Variants in C10orf95 observed in about 807,000 individuals in gnomAD.
The protein encoded by C10orf95 is chromosome 10 open reading frame 95.
For synonymous variants in C10orf95, 188 were observed against 160.4 expected (o/e 1.17, Z -1.30); for missense variants, 412 against 327.4 (o/e 1.26, Z -1.99).
chr10:102,450,380 T>A lies in C10orf95; in HGVS notation c.*72A>T. The A allele has an allele frequency of 2.7e-6, 4 of 1,470,284 alleles. No homozygotes were observed. Among genetic ancestry groups the A allele is most frequent in the Non-Finnish European group, 2.8e-6 (3 of 1,090,688 alleles). 91.1% of individuals were successfully genotyped at this position (1,470,284 alleles called of 1,614,324 possible). A position where few individuals can be genotyped will look rare whatever the true frequency, so the allele number is the denominator to read the frequency against. The stretch of plus-strand genomic sequence containing the variant: ...GCACAGGTGAGGGCTCACTTCTGCC[T>A]GTCGGCGGCGGCACACACAGGAAAG... On this transcript the variant is annotated 3_prime_UTR_variant, in exon 2 of 2. Transcript: ENST00000625129.
Position 102,450,815 on chromosome 10 carries a change from G to A in C10orf95, c.279C>T (p.Gly93=). 4.8e-6 allele frequency: 6 copies of A among 1,249,556 alleles called. No homozygotes were observed. Among genetic ancestry groups the A allele is most frequent in the Non-Finnish European group, 6.0e-6 (6 of 1,000,606 alleles). The allele number at this position is 1,249,556 out of a possible 1,614,324, so 77.4% of individuals were successfully genotyped here. The part of the protein sequence containing the change: ...TTLRRPCAAA[G]ISGLSLQAPA... ...GCGCCTGCAGCGACAGTCCCGAGAT[G>A]CCGGCGGCGGCGCAGGGCCGGCGCA... Residue 93 remains glycine, a synonymous_variant, in exon 2 of 2, where the codon GGC becomes GGT. Coordinates refer to ENST00000625129, the MANE Select transcript of C10orf95 (RefSeq NM_001363580.1).
rs1739348942 is a variant in C10orf95 at position 102,450,003 on chromosome 10, G to C, written c.*449C>G. 4.0e-6 allele frequency: 1 copy of C among 252,098 alleles called. No individual in the cohort carries two copies. Among genetic ancestry groups the C allele is most frequent in the Admixed American group, 4.4e-5 (1 of 22,624 alleles). The allele number at this position is 252,098 out of a possible 1,614,324, so 15.6% of individuals were successfully genotyped here. On this transcript the variant is annotated 3_prime_UTR_variant, in exon 2 of 2. Transcript: ENST00000625129. The stretch of plus-strand genomic sequence containing the variant: ...TAAGCTGGGGATCACCGTCGCCCTC[G>C]GCTTGGCAGGAAGGCGGGGGTAGGG...
chr10:102,450,956 G>C lies in C10orf95; in HGVS notation c.138C>G (p.Ser46Arg). ...GGGCCGCCCACTCGCCCGCATGCAG[G>C]CTCCCGGGCCGGCTGCGGAAGCTGT... ...QAHSFRSRPG[S>R]LHAGEWAAPR... is the part of the protein sequence containing the mutation. The change falls in exon 2 of 2, where the codon AGC becomes AGG. Residue 46 changes from serine to arginine, a missense_variant. Transcript: ENST00000625129. 7.8e-7 allele frequency: 1 copy of C among 1,278,912 alleles called. No individual in the cohort carries two copies. Among genetic ancestry groups the C allele is most frequent in the Non-Finnish European group, 9.9e-7 (1 of 1,012,610 alleles). The allele number at this position is 1,278,912 out of a possible 1,614,324, so 79.2% of individuals were successfully genotyped here. A position where few individuals can be genotyped will look rare whatever the true frequency, so the allele number is the denominator to read the frequency against.
Position 102,450,698 on chromosome 10 carries a change from G to GC in C10orf95, c.395dup (p.Leu135SerfsTer108), listed in dbSNP as rs1384655901. 1 of 1,253,212 alleles carries GC rather than the reference G, an allele frequency of 8.0e-7. No homozygotes were observed. The highest frequency in any genetic ancestry group is 1.6e-5 in the African/African-American group (1 of 63,406). 77.6% of individuals were successfully genotyped at this position (1,253,212 alleles called of 1,614,324 possible). ...CGAAGTCCGGTAGCTGCAGAGGGGG[G>GC]CCCCGCGCGCGCTCCACGCGGCCCC... On this transcript the variant is annotated frameshift_variant, in exon 2 of 2. Coordinates refer to ENST00000625129, the MANE Select transcript of C10orf95 (RefSeq NM_001363580.1). LOFTEE classifies it low-confidence loss of function (END_TRUNC).
Position 102,450,543 on chromosome 10 carries a change from C to T in C10orf95, c.551G>A (p.Arg184His). 4 of 1,361,828 alleles carry T rather than the reference C, an allele frequency of 2.9e-6. No individual in the cohort carries two copies. Among genetic ancestry groups the T allele is most frequent in the South Asian group, 1.7e-5 (1 of 57,540 alleles). 84.4% of individuals were successfully genotyped at this position (1,361,828 alleles called of 1,614,324 possible). A position where few individuals can be genotyped will look rare whatever the true frequency, so the allele number is the denominator to read the frequency against. ...VLEPDHRVEW[R>H]VRRRPDSGDS... ...GCCGCTGTCGGGCCGGCGCCGCACGCGCCACTCCACGCGGTGGTCGGGCTC... is the reference window on the plus strand; with the variant it reads ...GCCGCTGTCGGGCCGGCGCCGCACGTGCCACTCCACGCGGTGGTCGGGCTC... Residue 184 changes from arginine (R) to histidine (H), a missense_variant, in exon 2 of 2, where the codon CGC (arginine) becomes CAC (histidine). Transcript: ENST00000625129.
rs768355056 is a variant in C10orf95 at position 102,451,451 on chromosome 10, T to C, written c.-120A>G. ...GGGGCTCCTCTCCGCACTTTGTAGCTGCGTTGCTCCGCTCCATGCCCTGCC... is the reference window on the plus strand; with the variant it reads ...GGGGCTCCTCTCCGCACTTTGTAGCCGCGTTGCTCCGCTCCATGCCCTGCC... On this transcript the variant is annotated 5_prime_UTR_variant, in exon 1 of 2. Transcript: ENST00000625129. 3.5e-6 allele frequency: 5 copies of C among 1,433,354 alleles called. No individual in the cohort carries two copies. Among genetic ancestry groups the C allele is most frequent in the Non-Finnish European group, 4.7e-6 (5 of 1,068,488 alleles). The allele number at this position is 1,433,354 out of a possible 1,614,324, so 88.8% of individuals were successfully genotyped here. A position where few individuals can be genotyped will look rare whatever the true frequency, so the allele number is the denominator to read the frequency against.
chr10:102,451,309 C>T, intron 1 of C10orf95, 77 bp downstream of exon 1: 2 of 1,495,474 alleles, frequency 1.3e-6, no homozygotes, highest in South Asian at 1.3e-5. Flanking sequence ...CGGGCAGAGC[C>T]TCAGGCTCCC....
chr10:102,451,367 C>T lies in C10orf95; in HGVS notation c.-55+19G>A, dbSNP rs1246477058. ...CAAGCCCTCCGCCGGGATGCTCTTC[C>T]CAGTGACTCCCCACTCACTTGTCTC... On this transcript the variant is annotated intron_variant, in intron 1 of 1. Transcript: ENST00000625129. 3 of 1,558,746 alleles carry T rather than the reference C, an allele frequency of 1.9e-6. No homozygotes were observed. Among genetic ancestry groups the T allele is most frequent in the Non-Finnish European group, 2.6e-6 (3 of 1,148,182 alleles).
At chr10:102,451,296 G>C (rs1345985245) in intron 1 of C10orf95, 90 bp downstream of exon 1, 30 of 1,465,516 alleles carry the variant, frequency 2.0e-5, no homozygotes, top group Non-Finnish European at 2.5e-5. Flanking sequence ...CTTGTCCCAA[G>C]GTCGGGCAGA....
At chr10:102,451,275 C>T in intron 1 of C10orf95, 111 bp downstream of exon 1, 3 of 1,428,140 alleles carry the variant, frequency 2.1e-6, no homozygotes, top group Non-Finnish European at 1.8e-6. Context: ...ATTCAGCTCC[C>T]CGCCTAGCCT....
At position 102,450,806 on chromosome 10, in the gene C10orf95, T is replaced by C; in HGVS notation, c.288A>G (p.Gly96=). 8.0e-7 allele frequency: 1 copy of C among 1,255,336 alleles called. No homozygotes were observed. The highest frequency in any genetic ancestry group is 9.9e-7 in the Non-Finnish European group (1 of 1,005,442). 77.8% of individuals were successfully genotyped at this position (1,255,336 alleles called of 1,614,324 possible). A position where few individuals can be genotyped will look rare whatever the true frequency, so the allele number is the denominator to read the frequency against. The change falls in exon 2 of 2, where the codon GGA becomes GGG. Residue 96 remains glycine, a synonymous_variant. Transcript: ENST00000625129. ...RRPCAAAGIS[G]LSLQAPAAVA... is the part of the protein sequence containing the mutation. The stretch of plus-strand genomic sequence containing the variant: ...CCGCCGCGGGCGCCTGCAGCGACAG[T>C]CCCGAGATGCCGGCGGCGGCGCAGG...
In C10orf95 at chr10:102,450,343, T is replaced by C; in HGVS notation, c.*109A>G. ...GCCAAAAAGACAGGTGAGCAGCGCG[T>C]CCGCCTCCCGCGCACAGGTGAGGGC... is the stretch of plus-strand genomic sequence containing the variant. On this transcript the variant is annotated 3_prime_UTR_variant, in exon 2 of 2. Coordinates refer to ENST00000625129, the MANE Select transcript of C10orf95 (RefSeq NM_001363580.1). 8.3e-7 allele frequency: 1 copy of C among 1,207,836 alleles called. No individual in the cohort carries two copies. The highest frequency in any genetic ancestry group is 1.5e-5 in the African/African-American group (1 of 66,218). 74.8% of individuals were successfully genotyped at this position (1,207,836 alleles called of 1,614,324 possible).
intron 1 of C10orf95, 94 bp downstream of exon 1, chr10:102,451,292 C>T (rs1412538953): frequency 3.4e-6 from 5 of 1,461,624 alleles, no homozygotes; most frequent in African/African-American, 1.4e-5. Context: ...GCCTCTTGTC[C>T]CAAGGTCGGG....
In C10orf95 at chr10:102,450,643, T is replaced by C; in HGVS notation, c.451A>G (p.Thr151Ala). 1.6e-6 allele frequency: 2 copies of C among 1,231,522 alleles called. No individual in the cohort carries two copies. The allele number at this position is 1,231,522 out of a possible 1,614,324, so 76.3% of individuals were successfully genotyped here. A position where few individuals can be genotyped will look rare whatever the true frequency, so the allele number is the denominator to read the frequency against. Residue 151 changes from threonine (T) to alanine (A), a missense_variant, in exon 2 of 2, where the codon ACC becomes GCC. Transcript: ENST00000625129. ...ACGCGCACGTCGGCGCGGGGGTAGG[T>C]GCCGTACGCGCGCCGCAGCTCCCGG... is the stretch of plus-strand genomic sequence containing the variant. ...VRRELRRAYG[T>A]YPRADVRVTQ...
chr10:102,451,393 C>T lies in C10orf95; in HGVS notation c.-62G>A, dbSNP rs755304206. Reference sequence around the variant, plus strand: ...CAGTGACTCCCCACTCACTTGTCTCCTTCAGCCTTGGGGAGCCGGCGGGAT... The same window carrying T: ...CAGTGACTCCCCACTCACTTGTCTCTTTCAGCCTTGGGGAGCCGGCGGGAT... On this transcript the variant is annotated 5_prime_UTR_variant, in exon 1 of 2. Transcript: ENST00000625129. The T allele has an allele frequency of 3.7e-5, 57 of 1,538,702 alleles. 1 individual carries two copies. In the South Asian group the frequency reaches 5.1e-4, roughly 14 times the overall value.
At position 102,450,714 on chromosome 10, in the gene C10orf95, A is replaced by G; in HGVS notation, c.380T>C (p.Val127Ala). ...SLQTELRWGR[V>A]ERARGPPLQL... ...CAGAGGGGGGCCCCGCGCGCGCTCC[A>G]CGCGGCCCCAGCGCAGCTCGGTTTG... The change falls in exon 2 of 2, where the codon GTG (valine) becomes GCG (alanine). Residue 127 changes from valine to alanine, a missense_variant. By Grantham distance (64) the Val-to-Ala change is moderately conservative. Transcript: ENST00000625129. 2 of 1,271,848 alleles carry G rather than the reference A, an allele frequency of 1.6e-6. No homozygotes were observed. The highest frequency in any genetic ancestry group is 9.9e-7 in the Non-Finnish European group (1 of 1,007,236). 78.8% of individuals were successfully genotyped at this position (1,271,848 alleles called of 1,614,324 possible).
At position 102,450,616 on chromosome 10, in the gene C10orf95, T is replaced by C; in HGVS notation, c.478A>G (p.Thr160Ala). The C allele has an allele frequency of 1.8e-5, 22 of 1,242,354 alleles. No homozygotes were observed. Among genetic ancestry groups the C allele is most frequent in the Non-Finnish European group, 2.2e-5 (22 of 995,660 alleles). The allele number at this position is 1,242,354 out of a possible 1,614,324, so 77.0% of individuals were successfully genotyped here. ...AGCAGGAACTGGCCGCGGCGCTGGG[T>C]GACGCGCACGTCGGCGCGGGGGTAG... ...GTYPRADVRVTQRRGQFLLQA... is the reference protein window; with the variant it reads ...GTYPRADVRVAQRRGQFLLQA... Residue 160 changes from threonine to alanine, a missense_variant, in exon 2 of 2, where the codon ACC becomes GCC. By Grantham distance (58) the Thr-to-Ala change is moderately conservative (BLOSUM62 0). Transcript: ENST00000625129.
In C10orf95 at chr10:102,450,350, C is replaced by A; in HGVS notation, c.*102G>T. The stretch of plus-strand genomic sequence containing the variant: ...AGACAGGTGAGCAGCGCGTCCGCCT[C>A]CCGCGCACAGGTGAGGGCTCACTTC... On this transcript the variant is annotated 3_prime_UTR_variant, in exon 2 of 2. Coordinates refer to ENST00000625129, the MANE Select transcript of C10orf95 (RefSeq NM_001363580.1). The A allele has an allele frequency of 1.6e-6, 2 of 1,289,674 alleles. No homozygotes were observed. Among genetic ancestry groups the A allele is most frequent in the South Asian group, 1.3e-5 (1 of 78,898 alleles). The allele number at this position is 1,289,674 out of a possible 1,614,324, so 79.9% of individuals were successfully genotyped here. A position where few individuals can be genotyped will look rare whatever the true frequency, so the allele number is the denominator to read the frequency against.
Position 102,450,797 on chromosome 10 carries a change from C to T in C10orf95, c.297G>A (p.Leu99=). The change falls in exon 2 of 2, where the codon CTG becomes CTA. Residue 99 remains leucine, a synonymous_variant. Transcript: ENST00000625129. ...TCTCGGCCACCGCCGCGGGCGCCTG[C>T]AGCGACAGTCCCGAGATGCCGGCGG... ...CAAAGISGLS[L]QAPAAVAESW... is the part of the protein sequence containing the mutation. 1 of 1,267,512 alleles carries T rather than the reference C, an allele frequency of 7.9e-7. No homozygotes were observed. 78.5% of individuals were successfully genotyped at this position (1,267,512 alleles called of 1,614,324 possible).
Sources: allele counts gnomAD v4.1 joint callset, GRCh38; gene constraint gnomAD v4.1.1; transcripts MANE v1.5; gene names NCBI Gene and HGNC (gene_info 2026-07-23, HGNC 2026-07-21).